Variants in SIK3 observed in about 807,000 individuals in gnomAD.
SIK3 encodes the protein serine/threonine-protein kinase SIK3.
In SIK3, 28 loss-of-function variants were observed where a neutral mutation model predicts 144.2. The observed-to-expected ratio is 0.19, with a 90% CI of 0.14 to 0.27. SIK3 has a LOEUF of 0.27. Among genes scored for constraint, SIK3 ranks in the 10% least tolerant of loss-of-function variants. SIK3 has a pLI of 1.00. For missense variants in SIK3, 1,319 were observed against 1,776.0 expected, an observed-to-expected ratio of 0.74 and a Z score of 4.62; for synonymous variants, 686 against 676.3, an observed-to-expected ratio of 1.01 and a Z score of -0.22.
intron 4 of SIK3, among the ~76,000 whole-genome samples, chr11:116,907,886 G>GA (rs571191851): frequency 1.9e-3 from 282 of 151,164 alleles, no homozygotes; most frequent in Middle Eastern, 3.4e-3. Flanking sequence ...TATTCATATG[G>GA]AAAAAAATTA....
chr11:116,866,042 G>A (rs111251874), intron 15 of SIK3, among the ~76,000 whole-genome samples: 49 of 152,254 alleles, frequency 3.2e-4, no homozygotes, highest in African/African-American at 1.1e-3. Flanking sequence ...TTTCCAGCAG[G>A]CAAGGCCTTG....
chr11:116,847,471 C>T lies in SIK3; in HGVS notation c.3952+5G>A. 1 of 1,614,152 alleles carries T rather than the reference C, an allele frequency of 6.2e-7. No individual in the cohort carries two copies. The highest frequency in any genetic ancestry group is 8.5e-7 in the Non-Finnish European group (1 of 1,180,020). ...CTGGAGTGCCCCATGCATAAGGCTC[C>T]TCACCCTCATTTTCCCCATCCTGAA... On this transcript the variant is annotated splice_donor_5th_base_variant and intron_variant, in intron 23 of 24. Transcript: ENST00000445177.
intron 1 of SIK3, among the ~76,000 whole-genome samples, chr11:117,037,843 C>T (rs1273691108): frequency 6.6e-6 from 1 of 152,218 alleles, no homozygotes; most frequent in African/African-American, 2.4e-5. Context: ...GTGATTCAAA[C>T]ACCTGACCCT....
At chr11:116,968,914 A>G (rs1419008936) in intron 1 of SIK3, among the ~76,000 whole-genome samples, 2 of 152,240 alleles carry the variant, frequency 1.3e-5, no homozygotes, top group African/African-American at 4.8e-5. Context: ...TGACAATACT[A>G]CTTTTAAGCC....
At chr11:117,048,845 G>A (rs1953089384) in intron 1 of SIK3, among the ~76,000 whole-genome samples, 1 of 152,116 alleles carries the variant, frequency 6.6e-6, no homozygotes, top group Non-Finnish European at 1.5e-5. Flanking sequence ...GCTCACACCT[G>A]TAATCCCAGC....
At chr11:116,888,093 C>T (rs1366839265) in intron 6 of SIK3, among the ~76,000 whole-genome samples, 1 of 152,184 alleles carries the variant, frequency 6.6e-6, no homozygotes, top group Admixed American at 6.5e-5. Flanking sequence ...CTGTATGTAG[C>T]TACTCTGGAA....
intron 1 of SIK3, among the ~76,000 whole-genome samples, chr11:117,047,561 T>A: frequency 6.6e-6 from 1 of 152,230 alleles, no homozygotes; most frequent in Non-Finnish European, 1.5e-5. Context: ...AGCCTAGATA[T>A]TCTTAGACAT....
chr11:116,856,719 CATA>C (rs1463722771), intron 21 of SIK3, among the ~76,000 whole-genome samples: 3 of 152,198 alleles, frequency 2.0e-5, no homozygotes, highest in African/African-American at 7.2e-5. Flanking sequence ...CCTAAGAGCG[CATA>C]ATGAGTACAA....
chr11:117,037,589 A>G (rs945101894), intron 1 of SIK3, among the ~76,000 whole-genome samples: 2 of 152,104 alleles, frequency 1.3e-5, no homozygotes, highest in Non-Finnish European at 2.9e-5. Flanking sequence ...GGGGCAGCTC[A>G]CTCTGGCCCC....
Position 116,957,958 on chromosome 11 carries a change from A to G in SIK3, c.274-894T>C, listed in dbSNP as rs1236784503. Among the ~76,000 whole-genome samples, 4 of 152,330 alleles carry G rather than the reference A, an allele frequency of 2.6e-5. No individual in the cohort carries two copies. The East Asian group carries it at 5.8e-4, about 22-fold the overall frequency. ...CATCAGCAAATACATTTTAATGAAG[A>G]ATGAACGATGAAGGACTTTTAAAAA... On this transcript the variant is annotated intron_variant, in intron 1 of 24. Transcript: ENST00000445177.
chr11:117,069,175 ATT>A (rs762417651), intron 1 of SIK3, among the ~76,000 whole-genome samples: 1,602 of 27,836 alleles, frequency 0.058, 11 homozygotes, highest in Non-Finnish European at 0.062. Flanking sequence ...AGTTGTTAAG[ATT>A]TTTTTTTGGG....
intron 1 of SIK3, among the ~76,000 whole-genome samples, chr11:117,042,421 G>A (rs1201916122): frequency 6.6e-6 from 1 of 152,156 alleles, no homozygotes; most frequent in African/African-American, 2.4e-5. Flanking sequence ...ACATGTGTCT[G>A]GTTCTTAAAA....
At chr11:116,982,943 C>CAAAAA (rs35698580) in intron 1 of SIK3, among the ~76,000 whole-genome samples, 7 of 69,856 alleles carry the variant, frequency 1.0e-4, no homozygotes, top group East Asian at 6.5e-4. Context: ...GACTCCGTCT[C>CAAAAA]AAAAAAAAAA....
At chr11:116,965,259 G>A (rs561606174) in intron 1 of SIK3, among the ~76,000 whole-genome samples, 5 of 152,180 alleles carry the variant, frequency 3.3e-5, no homozygotes, top group South Asian at 4.1e-4. Context: ...CCAATATTAT[G>A]AGCAACTCTC....
At chr11:117,067,446 T>C (rs759262546) in intron 1 of SIK3, among the ~76,000 whole-genome samples, 2 of 151,968 alleles carry the variant, frequency 1.3e-5, no homozygotes, top group Non-Finnish European at 2.9e-5. Flanking sequence ...ATGAGGCCAT[T>C]TATATGAAAT....
At chr11:117,060,645 G>A (rs946146740) in intron 1 of SIK3, among the ~76,000 whole-genome samples, 4 of 151,702 alleles carry the variant, frequency 2.6e-5, no homozygotes, top group African/African-American at 9.7e-5. Context: ...AGGAGAGGAA[G>A]GGATGAATAG....
intron 6 of SIK3, among the ~76,000 whole-genome samples, chr11:116,879,218 T>G (rs900884612): frequency 6.6e-6 from 1 of 152,230 alleles, no homozygotes; most frequent in African/African-American, 2.4e-5. Context: ...TTTTTAAATT[T>G]TCTGCTTCTA....
intron 1 of SIK3, among the ~76,000 whole-genome samples, chr11:117,088,564 TAAGG>T (rs528643641): frequency 9.5e-4 from 144 of 152,280 alleles, no homozygotes; most frequent in African/African-American, 3.2e-3. Flanking sequence ...GCACGAAACA[TAAGG>T]AATACAGCAG....
At chr11:116,932,438 ATG>A (rs1305302277) in intron 3 of SIK3, among the ~76,000 whole-genome samples, 1 of 152,182 alleles carries the variant, frequency 6.6e-6, no homozygotes, top group Non-Finnish European at 1.5e-5. Context: ...GTATAGTTCT[ATG>A]TCACTTTATC....
Sources: allele counts gnomAD v4.1 joint callset (sites outside exome capture counted in the v4.1 genomes callset), GRCh38; gene constraint gnomAD v4.1.1; transcripts MANE v1.5; gene names NCBI Gene and HGNC (gene_info 2026-07-23, HGNC 2026-07-21).